AFF3: variants seen among roughly 807,000 people sequenced by gnomAD.
The protein encoded by AFF3 is AF4/FMR2 family member 3.
A neutral mutation model predicts 129.7 loss-of-function variants in AFF3; 32 were observed. The observed-to-expected ratio is 0.25, with a 90% CI of 0.19 to 0.33. The LOEUF (loss-of-function observed/expected upper bound fraction) is 0.33, where lower values mean the gene tolerates loss of function less well. Among genes scored for constraint, AFF3 ranks in the 10% least tolerant of loss-of-function variants. The probability of loss-of-function intolerance (pLI) is 1.00; values close to 1 mark genes in which losing one functional copy is unlikely to be tolerated. For missense variants in AFF3, 1,373 were observed against 1,592.0 expected (o/e 0.86, Z 2.34); for synonymous variants, 644 against 635.4 (o/e 1.01, Z -0.20).
intron 7 of AFF3, among the ~76,000 whole-genome samples, chr2:99,898,419 G>T (rs554704861): frequency 6.6e-6 from 1 of 152,222 alleles, no homozygotes; most frequent in Non-Finnish European, 1.5e-5. Flanking sequence ...CCACATCCTT[G>T]CCCTGCTGCC....
chr2:99,932,797 C>A (rs900197390), intron 7 of AFF3, among the ~76,000 whole-genome samples: 5 of 152,200 alleles, frequency 3.3e-5, no homozygotes, highest in Non-Finnish European at 7.3e-5. Flanking sequence ...TTAATGACTA[C>A]AGAGAGGTGG....
At chr2:100,026,204 A>G (rs2104914975) in intron 4 of AFF3, among the ~76,000 whole-genome samples, 1 of 152,362 alleles carries the variant, frequency 6.6e-6, no homozygotes, top group Admixed American at 6.5e-5. Context: ...TCAGTGAGAA[A>G]AAAACAAACA....
intron 11 of AFF3, among the ~76,000 whole-genome samples, chr2:99,684,766 C>T (rs762993568): frequency 9.2e-5 from 14 of 152,024 alleles, no homozygotes; most frequent in Non-Finnish European, 2.1e-4. Context: ...CCTGAGCCAC[C>T]GTGCCCAGCC....
chr2:100,094,922 A>C lies in AFF3; in HGVS notation c.53+9480T>G, dbSNP rs553273156. On this transcript the variant is annotated intron_variant, in intron 4 of 24. Coordinates refer to ENST00000672756, the MANE Select transcript of AFF3 (RefSeq NM_001386135.1). Reference sequence around the variant, plus strand: ...CATGGAATATGATTGGTGGGACAAGAAGCAAGTGGGCCATGTGGGCAACCT... The same window carrying C: ...CATGGAATATGATTGGTGGGACAAGCAGCAAGTGGGCCATGTGGGCAACCT... 4.5e-5 allele frequency among the ~76,000 whole-genome samples: 6 copies of C among 131,968 alleles called. No individual in the cohort carries two copies. In the East Asian group the frequency reaches 1.2e-3, roughly 26 times the overall value. 86.6% of individuals were successfully genotyped at this position (131,968 alleles called of 152,430 possible). A position where few individuals can be genotyped will look rare whatever the true frequency, so the allele number is the denominator to read the frequency against.
At chr2:99,703,859 C>T (rs1558766701) in intron 11 of AFF3, among the ~76,000 whole-genome samples, 1 of 152,154 alleles carries the variant, frequency 6.6e-6, no homozygotes, top group African/African-American at 2.4e-5. Flanking sequence ...CTGCAACTGG[C>T]CTTGAACATT....
chr2:99,970,834 G>C (rs972657229), intron 7 of AFF3, among the ~76,000 whole-genome samples: 2 of 152,158 alleles, frequency 1.3e-5, no homozygotes, highest in Non-Finnish European at 2.9e-5. Flanking sequence ...CGTGTCTCAC[G>C]CACCTTTGCT....
chr2:100,011,401 G>A, intron 4 of AFF3: 2 of 770,664 alleles, frequency 2.6e-6, no homozygotes, highest in Admixed American at 3.4e-5. Context: ...AGACTGGTGT[G>A]ATGCACGAAG....
chr2:99,866,586 C>T (rs1294578687), intron 7 of AFF3, among the ~76,000 whole-genome samples: 1 of 152,074 alleles, frequency 6.6e-6, no homozygotes, highest in Admixed American at 6.5e-5. Flanking sequence ...TGTCACCAGC[C>T]TCCACAAGAA....
intron 11 of AFF3, among the ~76,000 whole-genome samples, chr2:99,703,639 T>TTC (rs201710779): frequency 0.016 from 2,152 of 137,734 alleles, 55 homozygotes; most frequent in African/African-American, 0.056. Context: ...TGTTTCTCAT[T>TTC]TCTCTCTTTT....
chr2:99,733,256 T>C (rs1679980267), intron 10 of AFF3, among the ~76,000 whole-genome samples: 1 of 151,738 alleles, frequency 6.6e-6, no homozygotes, highest in Non-Finnish European at 1.5e-5. Flanking sequence ...GCGGGCGCCT[T>C]GTAGTCCCAG....
At chr2:99,896,630 T>C (rs1227299118) in intron 7 of AFF3, among the ~76,000 whole-genome samples, 1 of 97,842 alleles carries the variant, frequency 1.0e-5, no homozygotes, top group African/African-American at 5.4e-5. Context: ...CTTTTTTTTT[T>C]TTTTTTTTTT....
intron 7 of AFF3, among the ~76,000 whole-genome samples, chr2:99,879,397 T>C (rs1455814171): frequency 6.6e-6 from 1 of 152,198 alleles, no homozygotes; most frequent in African/African-American, 2.4e-5. Flanking sequence ...AACTTCCTAG[T>C]AGCTCCATAA....
chr2:99,696,435 T>C (rs1019336347), intron 11 of AFF3, among the ~76,000 whole-genome samples: 2 of 152,186 alleles, frequency 1.3e-5, no homozygotes, highest in Non-Finnish European at 2.9e-5. Flanking sequence ...TTGCAAAAGG[T>C]CTAATGCAGG....
chr2:100,137,253 T>G (rs1299050104), intron 1 of AFF3, among the ~76,000 whole-genome samples: 3 of 152,310 alleles, frequency 2.0e-5, no homozygotes, highest in Middle Eastern at 3.4e-3. Context: ...CCCAAAGAAC[T>G]TCATGATTTC....
intron 7 of AFF3, among the ~76,000 whole-genome samples, chr2:99,950,627 T>C (rs1008032444): frequency 6.6e-6 from 1 of 152,220 alleles, no homozygotes; most frequent in Non-Finnish European, 1.5e-5. Flanking sequence ...GAAATCATTT[T>C]ATCTTACAAC....
chr2:99,964,756 A>C (rs1452550383), intron 7 of AFF3, among the ~76,000 whole-genome samples: 1 of 152,176 alleles, frequency 6.6e-6, no homozygotes, highest in Non-Finnish European at 1.5e-5. Context: ...TTTATTTAGG[A>C]TTTATTCCTA....
chr2:99,951,714 C>T (rs959628503), intron 7 of AFF3, among the ~76,000 whole-genome samples: 1 of 152,162 alleles, frequency 6.6e-6, no homozygotes, highest in African/African-American at 2.4e-5. Context: ...GGCGCAATCT[C>T]GGCTCACTGC....
chr2:99,997,480 C>CG (rs1468067785), intron 7 of AFF3, among the ~76,000 whole-genome samples: 1 of 151,766 alleles, frequency 6.6e-6, no homozygotes, highest in African/African-American at 2.4e-5. Flanking sequence ...CTATCACCCC[C>CG]CCCCCAGATT....
chr2:99,814,495 C>G (rs1323281871), intron 8 of AFF3, among the ~76,000 whole-genome samples: 1 of 152,152 alleles, frequency 6.6e-6, no homozygotes, highest in East Asian at 1.9e-4. Flanking sequence ...GAGGCACTAC[C>G]TTCATCAAGG....
Sources: gnomAD v4.1 joint callset for allele counts (sites outside exome capture counted in the v4.1 genomes callset) on GRCh38, gnomAD v4.1.1 for gene constraint, MANE v1.5 for transcripts, NCBI Gene and HGNC (gene_info 2026-07-23, HGNC 2026-07-21) for gene names.